Variants in SDK2 observed in about 807,000 individuals in gnomAD.
SDK2 encodes the protein sidekick cell adhesion molecule 2.
SDK2 carries 105 observed loss-of-function variants against 253.9 expected under a neutral mutation model. That is an observed-to-expected ratio of 0.41 (90% confidence interval 0.35 to 0.49). The LOEUF is 0.49. Ranked by LOEUF, SDK2 falls within the 20% of genes least tolerant of loss-of-function variation. The pLI is 0.06. For missense variants in SDK2, 2,608 were observed against 3,003.0 expected, an observed-to-expected ratio of 0.87 and a Z score of 3.07; for synonymous variants, 1,249 against 1,234.9, an observed-to-expected ratio of 1.01 and a Z score of -0.24.
rs112868571 is a variant in SDK2, at chr17:73,388,082, A to G, written c.4193-45T>C. ...GAGGAGCAGGTGAGTGGGCCAGGCCATGGTGGAGGGGGCTGGACTTTCTCG... is the reference window on the plus strand; with the variant it reads ...GAGGAGCAGGTGAGTGGGCCAGGCCGTGGTGGAGGGGGCTGGACTTTCTCG... On this transcript the variant is annotated intron_variant, in intron 29 of 44. Coordinates refer to ENST00000392650, the MANE Select transcript of SDK2 (RefSeq NM_001144952.2). 6,452 of 1,367,444 alleles carry G rather than the reference A, an allele frequency of 4.7e-3. 181 individuals are homozygous for G. The East Asian group carries it at 0.079, about 17-fold the overall frequency. 84.7% of individuals were successfully genotyped at this position (1,367,444 alleles called of 1,614,324 possible).
chr17:73,369,961 C>T (rs751969465), intron 36 of SDK2, among the ~76,000 whole-genome samples: 2 of 152,148 alleles, frequency 1.3e-5, no homozygotes, highest in Non-Finnish European at 2.9e-5. Context: ...TCAATCATTT[C>T]CTCTGTAGCA....
chr17:73,394,097 G>A (rs1599519404), intron 26 of SDK2, 112 bp downstream of exon 26: 4 of 608,996 alleles, frequency 6.6e-6, no homozygotes, highest in Non-Finnish European at 7.8e-6. Context: ...CAGATCCCCT[G>A]TATCCACTCT....
chr17:73,600,795 G>A (rs147518755), intron 1 of SDK2, among the ~76,000 whole-genome samples: 93 of 152,194 alleles, frequency 6.1e-4, no homozygotes, highest in African/African-American at 2.0e-3. Context: ...ACTCCCCACC[G>A]GATACCCTTT....
chr17:73,394,183 CCACCTCCTGGGATCCCGGGACT>C lies in SDK2; in HGVS notation c.3708+4_3708+25del. 1 of 1,446,938 alleles carries C rather than the reference CCACCTCCTGGGATCCCGGGACT, an allele frequency of 6.9e-7. No individual in the cohort carries two copies. 89.6% of individuals were successfully genotyped at this position (1,446,938 alleles called of 1,614,324 possible). A position where few individuals can be genotyped will look rare whatever the true frequency, so the allele number is the denominator to read the frequency against. ...GGCTGGAGGGGCCAGTGTAGGGACC[CCACCTCCTGGGATCCCGGGACT>C]CACCTTATAGCCCAGCACGAGCCCG... On this transcript the variant is annotated splice_donor_5th_base_variant and intron_variant, in intron 26 of 44. Transcript: ENST00000392650.
At chr17:73,449,861 T>TGCGGCCAGCCGAGGTC (rs1239988707) in intron 4 of SDK2, among the ~76,000 whole-genome samples, 1 of 151,960 alleles carries the variant, frequency 6.6e-6, no homozygotes, top group Non-Finnish European at 1.5e-5. Context: ...AGGCAGAGGT[T>TGCGGCCAGCCGAGGTC]GCGGCCAGCC....
At chr17:73,540,696 G>A (rs2044854970) in intron 1 of SDK2, among the ~76,000 whole-genome samples, 1 of 152,212 alleles carries the variant, frequency 6.6e-6, no homozygotes, top group Non-Finnish European at 1.5e-5. Context: ...TTTGATAAAT[G>A]AGGAAACTGA....
At chr17:73,378,705 C>T (rs572763600) in intron 36 of SDK2, among the ~76,000 whole-genome samples, 56 of 152,288 alleles carry the variant, frequency 3.7e-4, no homozygotes, top group African/African-American at 1.3e-3. Flanking sequence ...AAGGTGTGAG[C>T]CACCGCGCCC....
rs537955565 is a variant in SDK2 at position 73,643,697 on chromosome 17, T to C, written c.64+328A>G. On this transcript the variant is annotated intron_variant, in intron 1 of 44. Transcript: ENST00000392650. This position sits in a 1 kb window ranked among gnomAD's most constrained non-coding sequence, Gnocchi z 6.9. ...CGAGCGTGGAGCCCGGCACGGAATG[T>C]CGCTCCCCTCCCAAGCCGGCGCAGG... is the stretch of plus-strand genomic sequence containing the variant. Among the ~76,000 whole-genome samples, 517 of 152,018 alleles carry C rather than the reference T, an allele frequency of 3.4e-3. 3 individuals carry two copies. The highest frequency in any genetic ancestry group is 0.012 in the African/African-American group (504 of 41,502).
intron 18 of SDK2, among the ~76,000 whole-genome samples, chr17:73,411,547 C>T (rs117683065): frequency 0.025 from 3,869 of 152,202 alleles, 67 homozygotes; most frequent in Middle Eastern, 0.044. Flanking sequence ...GGCATCCTTC[C>T]GTCTGCCCCA....
Position 73,338,770 on chromosome 17 carries a change from G to A in SDK2, c.6336C>T (p.His2112=). 1 of 1,613,948 alleles carries A rather than the reference G, an allele frequency of 6.2e-7. No individual in the cohort carries two copies. Among genetic ancestry groups the A allele is most frequent in the Non-Finnish European group, 8.5e-7 (1 of 1,179,880 alleles). Residue 2112 remains histidine (H), a synonymous_variant, in exon 45 of 45, where the codon CAC becomes CAT. Coordinates refer to ENST00000392650, the MANE Select transcript of SDK2 (RefSeq NM_001144952.2). This position sits in a 1 kb window ranked among gnomAD's most constrained non-coding sequence, Gnocchi z 5.0. ...YTESDSGEPD[H]TTVTNSTSTQ... The stretch of plus-strand genomic sequence containing the variant: ...TGCTGGTGCTGTTGGTGACGGTGGT[G>A]TGGTCTGGCTCACCCGAGTCGCTCT...
rs756114873 is a variant in SDK2 at position 73,415,967 on chromosome 17, C to T, written c.2212G>A (p.Gly738Arg). ...TCCGTGATGTTCTTAAACTGGTACC[C>T]CACGGGCAGCCCGGCCAGGCAGTAC... ...IRYCLAGLPV[G>R]YQFKNITDAD... Residue 738 changes from glycine (G) to arginine (R), a missense_variant, in exon 17 of 45, where the codon GGG (glycine) becomes AGG (arginine). Gly to Arg is a moderately radical substitution (Grantham distance 125). Transcript: ENST00000392650. 13 of 1,611,178 alleles carry T rather than the reference C, an allele frequency of 8.1e-6. No homozygotes were observed. The highest frequency in any genetic ancestry group is 7.6e-6 in the Non-Finnish European group (9 of 1,178,930).
intron 4 of SDK2, among the ~76,000 whole-genome samples, chr17:73,450,463 G>C (rs927522060): frequency 1.3e-5 from 2 of 152,062 alleles, no homozygotes; most frequent in Non-Finnish European, 2.9e-5. Context: ...ACTATGTGCC[G>C]GGACCATGCC....
At chr17:73,386,013 G>A (rs1221667290) in intron 31 of SDK2, 96 bp from the exon 32 acceptor site, 5 of 889,154 alleles carry the variant, frequency 5.6e-6, no homozygotes, top group Non-Finnish European at 8.7e-6. Context: ...TGGACTGCGG[G>A]GCAGGTCCAG....
rs2044916250 is a variant in SDK2, at chr17:73,544,091, C to T, written c.65-36494G>A. Among the ~76,000 whole-genome samples, 3 of 152,224 alleles carry T rather than the reference C, an allele frequency of 2.0e-5. No individual in the cohort carries two copies. In the South Asian group the frequency reaches 6.2e-4, roughly 31 times the overall value. ...TTTCACGTGGCCAAAAGTCAGGGCA[C>T]CTGGAGGCAAGGAGATGCTAAAGGT... On this transcript the variant is annotated intron_variant, in intron 1 of 44. Transcript: ENST00000392650.
At chr17:73,624,996 A>G (rs914071816) in intron 1 of SDK2, among the ~76,000 whole-genome samples, 2 of 152,214 alleles carry the variant, frequency 1.3e-5, no homozygotes, top group African/African-American at 2.4e-5. Flanking sequence ...TTTCTTTGCA[A>G]TATGTCTCAC....
At chr17:73,478,429 C>A (rs192406739) in intron 2 of SDK2, among the ~76,000 whole-genome samples, 177 of 152,210 alleles carry the variant, frequency 1.2e-3, no homozygotes, top group African/African-American at 4.0e-3. Context: ...GGGCTGGGGG[C>A]AGAAAGAGGG....
chr17:73,350,588 G>A, intron 42 of SDK2, 62 bp downstream of exon 42: 8 of 1,556,564 alleles, frequency 5.1e-6, no homozygotes, highest in Non-Finnish European at 7.0e-6. Flanking sequence ...CCCCTGTTCT[G>A]GCCAAAAAGG....
In SDK2 at chr17:73,481,605, C is replaced by T. The variant is rs537593047; in HGVS notation, c.225-9387G>A. ...GCCCTCTCCCCTCGCAGGACGTAGC[C>T]GGATCCCTCACCAACGCAGGACGGA... On this transcript the variant is annotated intron_variant, in intron 2 of 44. Coordinates refer to ENST00000392650, the MANE Select transcript of SDK2 (RefSeq NM_001144952.2). This position sits in a 1 kb window ranked among gnomAD's most constrained non-coding sequence, Gnocchi z 4.5. Among the ~76,000 whole-genome samples the T allele has an allele frequency of 1.1e-3, 170 of 152,106 alleles. No individual in the cohort carries two copies. The highest frequency in any genetic ancestry group is 1.9e-3 in the Non-Finnish European group (129 of 68,020).
intron 9 of SDK2, 140 bp from the exon 10 acceptor site, chr17:73,433,988 A>T (rs1471926161): frequency 4.9e-6 from 3 of 618,174 alleles, no homozygotes; most frequent in Non-Finnish European, 8.6e-6. Flanking sequence ...ACGAGGAAGG[A>T]TGTAGGCATC....
Sources: gnomAD v4.1 joint callset for allele counts (sites outside exome capture counted in the v4.1 genomes callset) on GRCh38, gnomAD v4.1.1 for gene constraint, Gnocchi (gnomAD v3.1) non-coding constraint, MANE v1.5 for transcripts, NCBI Gene and HGNC (gene_info 2026-07-23, HGNC 2026-07-21) for gene names.